Variants in CTPS1 observed in about 807,000 individuals in gnomAD.
CTPS1 encodes CTP synthetase 1.
A neutral mutation model predicts 80.5 loss-of-function variants in CTPS1; 25 were observed. The observed-to-expected ratio is 0.31, with a 90% CI of 0.23 to 0.43. The LOEUF is 0.43. CTPS1 is among the 20% of genes least tolerant of loss of function. CTPS1 has a pLI of 1.00. For synonymous variants in CTPS1, 267 were observed against 252.5 expected (o/e 1.06, Z -0.54); for missense variants, 442 against 725.7 (o/e 0.61, Z 4.49).
chr1:40,980,063 G>T (rs1308295251), intron 1 of CTPS1: 1 of 151,182 alleles, frequency 6.6e-6, no homozygotes, highest in East Asian at 1.9e-4. Flanking sequence ...GTGGCCGGGC[G>T]GCGCTGGGGA....
In CTPS1 at chr1:40,997,584, C is replaced by G; in HGVS notation, c.1005+58C>G. ...TGAGCAGGGAAGCAGTCTGTAGTCT[C>G]GTAGGTGCTGTGTCATATCTGCTTT... On this transcript the variant is annotated intron_variant, in intron 9 of 18. Transcript: ENST00000650070. 3.8e-6 allele frequency: 6 copies of G among 1,573,054 alleles called. No homozygotes were observed. In the South Asian group the frequency reaches 7.0e-5, roughly 18 times the overall value.
chr1:40,997,312 T>C, intron 8 of CTPS1, 82 bp from the exon 9 acceptor site: 2 of 1,520,084 alleles, frequency 1.3e-6, no homozygotes, highest in African/African-American at 2.8e-5. Flanking sequence ...CGTGGTTTTT[T>C]TTCCCTTGAA....
chr1:40,982,597 C>A (rs1029821831), intron 1 of CTPS1, among the ~76,000 whole-genome samples: 2 of 152,102 alleles, frequency 1.3e-5, no homozygotes, highest in African/African-American at 4.8e-5. Context: ...CCCATATTGG[C>A]CAGGCTGGTC....
intron 12 of CTPS1, among the ~76,000 whole-genome samples, chr1:41,005,489 T>C (rs1292975477): frequency 6.6e-6 from 1 of 152,116 alleles, no homozygotes; most frequent in Non-Finnish European, 1.5e-5. Flanking sequence ...CAGTATCTAA[T>C]TAAAAATTAC....
At chr1:41,001,354 G>T (rs891528651) in intron 10 of CTPS1, among the ~76,000 whole-genome samples, 2 of 152,192 alleles carry the variant, frequency 1.3e-5, no homozygotes, top group African/African-American at 2.4e-5. Context: ...TATTGATGAG[G>T]CTCATTTAAG....
intron 12 of CTPS1, 117 bp downstream of exon 12, chr1:41,003,293 C>G: frequency 8.3e-6 from 9 of 1,088,710 alleles, no homozygotes; most frequent in Non-Finnish European, 8.4e-6. Context: ...GGGTTCCTAG[C>G]ACCTCATGGT....
At chr1:40,983,249 A>G (rs745637693) in intron 1 of CTPS1, 29 bp from the exon 2 acceptor site, 1 of 1,593,160 alleles carries the variant, frequency 6.3e-7, no homozygotes, top group Admixed American at 1.7e-5. Context: ...AGATACATTT[A>G]TATCATCTGT....
Position 40,995,939 on chromosome 1 carries a change from C to T in CTPS1, c.743C>T (p.Ser248Leu), listed in dbSNP as rs910605244. The change falls in exon 8 of 19, where the codon TCA becomes TTA. Residue 248 changes from serine (S) to leucine (L), a missense_variant. Coordinates refer to ENST00000650070, the MANE Select transcript of CTPS1 (RefSeq NM_001905.4). ...PEQVICVHDV[S>L]SIYRVPLLLE... is the part of the protein sequence containing the mutation. ...CAGGTGATCTGTGTCCACGATGTCT[C>T]ATCCATCTACCGAGTCCCCTTGTTG... 6.2e-7 allele frequency: 1 copy of T among 1,614,120 alleles called. No homozygotes were observed. Among genetic ancestry groups the T allele is most frequent in the Non-Finnish European group, 8.5e-7 (1 of 1,179,972 alleles).
chr1:40,985,961 A>G (rs1386077817), intron 3 of CTPS1, among the ~76,000 whole-genome samples: 3 of 152,266 alleles, frequency 2.0e-5, no homozygotes, highest in Non-Finnish European at 4.4e-5. Context: ...GAAAGGAATC[A>G]GTTAGGAATT....
intron 1 of CTPS1, chr1:40,980,338 C>T (rs2148380800): frequency 6.6e-6 from 1 of 152,182 alleles, no homozygotes; most frequent in East Asian, 1.9e-4. Flanking sequence ...CAGCTCCGCG[C>T]CGTAGGACGA....
intron 11 of CTPS1, among the ~76,000 whole-genome samples, chr1:41,002,669 G>A (rs967257493): frequency 1.6e-4 from 24 of 152,018 alleles, no homozygotes; most frequent in Non-Finnish European, 3.5e-4. Flanking sequence ...AATGAGAGAG[G>A]GTAAGAAAAC....
At chr1:41,004,753 A>G (rs919885886) in intron 12 of CTPS1, among the ~76,000 whole-genome samples, 2 of 152,206 alleles carry the variant, frequency 1.3e-5, no homozygotes, top group African/African-American at 4.8e-5. Context: ...AGGGCTTTGT[A>G]TTAGCTGCTG....
chr1:41,008,939 T>C (rs1643101259), intron 16 of CTPS1, 49 bp downstream of exon 16: 1 of 1,394,292 alleles, frequency 7.2e-7, no homozygotes, highest in Non-Finnish European at 1.0e-6. Context: ...TAAAGTTTTC[T>C]TGGCATATGG....
At chr1:40,997,602 T>G (rs1012309936) in intron 9 of CTPS1, 76 bp downstream of exon 9, 66 of 1,492,240 alleles carry the variant, frequency 4.4e-5, no homozygotes, top group Non-Finnish European at 5.9e-5. Context: ...CTGTGTCATA[T>G]CTGCTTTCTG....
intron 7 of CTPS1, among the ~76,000 whole-genome samples, chr1:40,993,994 G>T (rs1276744563): frequency 6.6e-6 from 1 of 151,934 alleles, no homozygotes; most frequent in African/African-American, 2.4e-5. Flanking sequence ...GGCCAGGCTG[G>T]TTGCGAACTC....
chr1:41,009,517 A>G lies in CTPS1; in HGVS notation c.1619A>G (p.Tyr540Cys). 1 of 1,613,802 alleles carries G rather than the reference A, an allele frequency of 6.2e-7. No individual in the cohort carries two copies. The change falls in exon 17 of 19, where the codon TAC (tyrosine) becomes TGC (cysteine). Residue 540 changes from tyrosine (Y) to cysteine (C), a missense_variant. Tyr to Cys is a radical substitution (Grantham distance 194, BLOSUM62 -2). Transcript: ENST00000650070. ...LSRPIKPSPP[Y>C]FGLLLASVGR... ...AGGCCTATCAAGCCCTCCCCACCAT[A>G]CTTTGGCCTCCTCCTGGCCTCTGTG...
intron 9 of CTPS1, among the ~76,000 whole-genome samples, chr1:40,999,341 T>TA (rs1330051196): frequency 1.3e-5 from 2 of 152,192 alleles, no homozygotes; most frequent in East Asian, 3.8e-4. Context: ...ATCTGGGTCT[T>TA]ACCCTGAGGT....
At chr1:41,009,155 C>A (rs954879587) in intron 16 of CTPS1, among the ~76,000 whole-genome samples, 2 of 152,172 alleles carry the variant, frequency 1.3e-5, no homozygotes, top group African/African-American at 4.8e-5. Flanking sequence ...AAAGCCACTT[C>A]AGCCCTCTCC....
At chr1:41,009,385 C>T in intron 16 of CTPS1, 60 bp from the exon 17 acceptor site, 1 of 1,475,458 alleles carries the variant, frequency 6.8e-7, no homozygotes. Flanking sequence ...AGATTTTGTT[C>T]TTTTACACTT....
Sources: gnomAD v4.1 joint callset for allele counts (sites outside exome capture counted in the v4.1 genomes callset) on GRCh38, gnomAD v4.1.1 for gene constraint, MANE v1.5 for transcripts, NCBI Gene and HGNC (gene_info 2026-07-23, HGNC 2026-07-21) for gene names.